Variants in FSTL4 observed in about 807,000 individuals in gnomAD.
FSTL4 encodes the protein follistatin like 4.
FSTL4 carries 28 observed loss-of-function variants against 78.2 expected under a neutral mutation model. The ratio of observed to expected loss-of-function variants is 0.36; its 90% CI spans 0.27 to 0.49. The LOEUF (loss-of-function observed/expected upper bound fraction) is 0.49, where lower values mean the gene tolerates loss of function less well. FSTL4 is among the 20% of genes least tolerant of loss of function. The probability of loss-of-function intolerance (pLI) is 0.98; values close to 1 mark genes in which losing one functional copy is unlikely to be tolerated. For missense variants in FSTL4, 922 were observed against 1,084.9 expected, an observed-to-expected ratio of 0.85 and a Z score of 2.11; for synonymous variants, 422 against 440.5, an observed-to-expected ratio of 0.96 and a Z score of 0.53.
At chr5:133,422,705 T>A (rs1756724483) in intron 3 of FSTL4, among the ~76,000 whole-genome samples, 2 of 152,166 alleles carry the variant, frequency 1.3e-5, no homozygotes, top group Admixed American at 1.3e-4. Flanking sequence ...AGACATCACC[T>A]AGGGAATGAG....
At chr5:133,324,784 C>T (rs1363163120) in intron 4 of FSTL4, among the ~76,000 whole-genome samples, 1 of 152,260 alleles carries the variant, frequency 6.6e-6, no homozygotes, top group Non-Finnish European at 1.5e-5. Flanking sequence ...GAGACAATCC[C>T]AGCCACCCTG....
At chr5:133,675,126 G>C in the FSTL4 span, among the ~76,000 whole-genome samples, 5 of 152,040 alleles carry the variant, frequency 3.3e-5, no homozygotes, top group Non-Finnish European at 5.9e-5. Flanking sequence ...GCTCATGAAG[G>C]CCTCTCCGAG....
intron 3 of FSTL4, among the ~76,000 whole-genome samples, chr5:133,497,396 G>A (rs1758388719): frequency 1.3e-5 from 2 of 152,214 alleles, no homozygotes; most frequent in South Asian, 2.1e-4. Flanking sequence ...TATACATAGA[G>A]CACTGCTGAA....
At chr5:133,805,591 C>A in the FSTL4 span, among the ~76,000 whole-genome samples, 1 of 152,224 alleles carries the variant, frequency 6.6e-6, no homozygotes, top group Non-Finnish European at 1.5e-5. Context: ...ATCACATGAT[C>A]ACTTAAATCT....
chr5:133,644,828 T>G, the FSTL4 span, among the ~76,000 whole-genome samples: 1 of 152,146 alleles, frequency 6.6e-6, no homozygotes, highest in Non-Finnish European at 1.5e-5. Flanking sequence ...TTCCTCTGGC[T>G]CTAGCTGGGT....
At chr5:133,358,834 C>T (rs1755003763) in intron 4 of FSTL4, among the ~76,000 whole-genome samples, 1 of 152,042 alleles carries the variant, frequency 6.6e-6, no homozygotes, top group Non-Finnish European at 1.5e-5. Flanking sequence ...AAGTGAATCA[C>T]CCGCCTCAGC....
intron 3 of FSTL4, among the ~76,000 whole-genome samples, chr5:133,419,475 T>C (rs951784907): frequency 1.3e-5 from 2 of 152,250 alleles, no homozygotes; most frequent in African/African-American, 4.8e-5. Flanking sequence ...CCACAGTTTG[T>C]CTATTCATTC....
At chr5:133,288,103 G>A (rs1006877354) in intron 6 of FSTL4, among the ~76,000 whole-genome samples, 3 of 152,182 alleles carry the variant, frequency 2.0e-5, no homozygotes, top group Non-Finnish European at 4.4e-5. Flanking sequence ...ATGATTTAAC[G>A]TAGTGCCTGG....
intron 4 of FSTL4, among the ~76,000 whole-genome samples, chr5:133,397,509 G>A (rs930030973): frequency 1.3e-5 from 2 of 152,194 alleles, no homozygotes; most frequent in African/African-American, 4.8e-5. Context: ...TATTCACAAG[G>A]AATCCCATTG....
intron 6 of FSTL4, among the ~76,000 whole-genome samples, chr5:133,302,700 G>A (rs1423826960): frequency 6.6e-6 from 1 of 152,212 alleles, no homozygotes; most frequent in African/African-American, 2.4e-5. Flanking sequence ...CTGCCCCTCA[G>A]CCATCAGCTC....
chr5:133,701,511 C>CACCCCCG, the FSTL4 span, among the ~76,000 whole-genome samples: 1 of 63,518 alleles, frequency 1.6e-5, no homozygotes, highest in African/African-American at 6.1e-5. Flanking sequence ...ACACACACAC[C>CACCCCCG]CCACAGGCCA....
chr5:133,646,847 T>C, the FSTL4 span, among the ~76,000 whole-genome samples: 1 of 152,108 alleles, frequency 6.6e-6, no homozygotes, highest in African/African-American at 2.4e-5. Context: ...GTCCCCACAA[T>C]CCCTTTACAT....
chr5:133,234,801 C>T (rs1218937694), intron 7 of FSTL4, among the ~76,000 whole-genome samples: 10 of 152,166 alleles, frequency 6.6e-5, no homozygotes, highest in East Asian at 1.9e-4. Flanking sequence ...ACAATATATA[C>T]GGCCTGCCTG....
At chr5:133,453,149 CTCT>C (rs1451805590) in intron 3 of FSTL4, among the ~76,000 whole-genome samples, 1 of 152,328 alleles carries the variant, frequency 6.6e-6, no homozygotes, top group African/African-American at 2.4e-5. Context: ...TTCTATGTCA[CTCT>C]TCTTCTACAT....
the FSTL4 span, among the ~76,000 whole-genome samples, chr5:133,796,819 G>A: frequency 2.6e-5 from 4 of 152,076 alleles, no homozygotes; most frequent in African/African-American, 7.2e-5. Context: ...TTAGGGCCTC[G>A]GGTATCCAGG....
chr5:133,766,278 GGGAAAAGGA>G, the FSTL4 span, among the ~76,000 whole-genome samples: 119 of 152,188 alleles, frequency 7.8e-4, 1 homozygote, highest in East Asian at 0.017. Flanking sequence ...AGAGGAAAAG[GGGAAAAGGA>G]AAAAGAAGAA....
intron 6 of FSTL4, among the ~76,000 whole-genome samples, chr5:133,254,536 T>C (rs923684515): frequency 5.3e-5 from 8 of 152,316 alleles, no homozygotes; most frequent in African/African-American, 1.9e-4. Flanking sequence ...ATTGGGCAGA[T>C]TGACACCCTA....
At chr5:133,706,711 C>T in the FSTL4 span, among the ~76,000 whole-genome samples, 16 of 152,292 alleles carry the variant, frequency 1.1e-4, no homozygotes, top group Non-Finnish European at 1.6e-4. Flanking sequence ...CAGCCCACTT[C>T]CACGAGGCTC....
At chr5:133,483,365 G>A (rs1007438826) in intron 3 of FSTL4, among the ~76,000 whole-genome samples, 8 of 152,206 alleles carry the variant, frequency 5.3e-5, no homozygotes, top group African/African-American at 7.2e-5. Flanking sequence ...ACAGAAGGCC[G>A]GCCTTGTTCA....
Sources: allele counts gnomAD v4.1 joint callset (sites outside exome capture counted in the v4.1 genomes callset), GRCh38; gene constraint gnomAD v4.1.1; transcripts MANE v1.5; gene names NCBI Gene and HGNC (gene_info 2026-07-23, HGNC 2026-07-21).